The following ATP8A2 variants were observed in gnomAD, a reference collection of about 807,000 sequenced individuals.
ATP8A2 encodes the protein ATPase phospholipid transporting 8A2.
In ATP8A2, 100 loss-of-function variants were observed where a neutral mutation model predicts 165.6. That is an observed-to-expected ratio of 0.60 (90% CI 0.51 to 0.71). The LOEUF (loss-of-function observed/expected upper bound fraction) is 0.71, where lower values mean the gene tolerates loss of function less well. Ranked by LOEUF, ATP8A2 falls within the 30% of genes least tolerant of loss-of-function variation. The probability of loss-of-function intolerance (pLI) is 0.00; values close to 1 mark genes in which losing one functional copy is unlikely to be tolerated. For synonymous variants in ATP8A2, 543 were observed against 548.8 expected, an observed-to-expected ratio of 0.99 and a Z score of 0.15; for missense variants, 1,227 against 1,479.5, an observed-to-expected ratio of 0.83 and a Z score of 2.80.
At chr13:25,381,189 T>G (rs184044459) in intron 1 of ATP8A2, among the ~76,000 whole-genome samples, 218 of 152,350 alleles carry the variant, frequency 1.4e-3, no homozygotes, top group Middle Eastern at 3.4e-3. Flanking sequence ...GACTGCATGA[T>G]AAATCTTAGT....
At chr13:25,951,282 G>C (rs1012566108) in intron 33 of ATP8A2, among the ~76,000 whole-genome samples, 1 of 152,154 alleles carries the variant, frequency 6.6e-6, no homozygotes, top group African/African-American at 2.4e-5. Flanking sequence ...TGATCTATTC[G>C]TGCAATGGAA....
At position 25,372,717 on chromosome 13, in the gene ATP8A2, AG is replaced by A. The variant is rs1337567512; in HGVS notation, c.76+430del. 1.3e-5 allele frequency among the ~76,000 whole-genome samples: 2 copies of A among 152,192 alleles called. No homozygotes were observed. The highest frequency in any genetic ancestry group is 1.3e-4 in the Admixed American group (2 of 15,290). On this transcript the variant is annotated intron_variant, in intron 1 of 36. Coordinates refer to ENST00000381655, the MANE Select transcript of ATP8A2 (RefSeq NM_016529.6). The surrounding 1 kb of genome is among the most constrained non-coding windows in gnomAD (Gnocchi z 4.8). ...CCGGCGGCCGGCACCGCTGTGCTGCAGAGCTCAAAAGCAGAGGGGGAAAAAG... is the reference window on the plus strand; with the variant it reads ...CCGGCGGCCGGCACCGCTGTGCTGCAAGCTCAAAAGCAGAGGGGGAAAAAG...
chr13:25,892,523 A>G (rs1218999622), intron 33 of ATP8A2, among the ~76,000 whole-genome samples: 1 of 129,156 alleles, frequency 7.7e-6, no homozygotes, highest in Non-Finnish European at 1.5e-5. Context: ...TGTGTTATGC[A>G]GATGTACTGG....
intron 1 of ATP8A2, among the ~76,000 whole-genome samples, chr13:25,391,364 A>T (rs1029073974): frequency 1.3e-5 from 2 of 152,280 alleles, no homozygotes; most frequent in Non-Finnish European, 2.9e-5. Flanking sequence ...TCCATCATTG[A>T]TCCACCCATT....
chr13:25,725,475 C>G (rs544392489), intron 25 of ATP8A2, among the ~76,000 whole-genome samples: 10 of 152,282 alleles, frequency 6.6e-5, no homozygotes, highest in African/African-American at 2.4e-4. Context: ...TATTCCCAAA[C>G]CTGAGGGACC....
intron 33 of ATP8A2, among the ~76,000 whole-genome samples, chr13:25,892,818 T>C (rs1953418247): frequency 6.6e-6 from 1 of 150,438 alleles, no homozygotes; most frequent in African/African-American, 2.4e-5. Flanking sequence ...TTTTTTTTTT[T>C]CGCATCAAAA....
At chr13:25,618,179 A>G (rs961749729) in intron 24 of ATP8A2, among the ~76,000 whole-genome samples, 4 of 152,214 alleles carry the variant, frequency 2.6e-5, no homozygotes, top group African/African-American at 4.8e-5. Flanking sequence ...ACTGTTCTAC[A>G]GCGGTCTTCA....
chr13:25,780,008 AT>A (rs1488828491), intron 27 of ATP8A2, among the ~76,000 whole-genome samples: 1 of 152,344 alleles, frequency 6.6e-6, no homozygotes, highest in East Asian at 1.9e-4. Flanking sequence ...CAGCATCAGC[AT>A]TTTAAGCATG....
intron 2 of ATP8A2, among the ~76,000 whole-genome samples, chr13:25,482,811 C>T (rs1384092652): frequency 2.6e-5 from 4 of 152,162 alleles, no homozygotes; most frequent in Non-Finnish European, 5.9e-5. Context: ...TGCCTGCTGC[C>T]GTCCATGTAA....
At chr13:25,437,617 A>G (rs1259651450) in intron 1 of ATP8A2, among the ~76,000 whole-genome samples, 3 of 152,190 alleles carry the variant, frequency 2.0e-5, no homozygotes, top group Non-Finnish European at 2.9e-5. Context: ...TTTTCCGTGT[A>G]TTGCTGGAGA....
chr13:25,419,645 G>A (rs148991391), intron 1 of ATP8A2, among the ~76,000 whole-genome samples: 1 of 118,996 alleles, frequency 8.4e-6, no homozygotes, highest in African/African-American at 2.7e-5. Flanking sequence ...GTTTTTATTT[G>A]TTCTCATAAC....
chr13:26,009,278 C>A (rs1223694844), intron 35 of ATP8A2, among the ~76,000 whole-genome samples: 1 of 152,170 alleles, frequency 6.6e-6, no homozygotes, highest in African/African-American at 2.4e-5. Flanking sequence ...TTCATGATGA[C>A]ACCTTCATAA....
chr13:25,518,937 G>C lies in ATP8A2; in HGVS notation c.222-11062G>C, dbSNP rs1338302346. Among the ~76,000 whole-genome samples, 4 of 152,270 alleles carry C rather than the reference G, an allele frequency of 2.6e-5. No homozygotes were observed. The East Asian group carries it at 5.8e-4, about 22-fold the overall frequency. Reference sequence around the variant, plus strand: ...TATTGTCAGGTTTTGTCCTCTCCTGGGAAGCCTCCAGATCTTCCCATCTCC... The same window carrying C: ...TATTGTCAGGTTTTGTCCTCTCCTGCGAAGCCTCCAGATCTTCCCATCTCC... On this transcript the variant is annotated intron_variant, in intron 2 of 36. Coordinates refer to ENST00000381655, the MANE Select transcript of ATP8A2 (RefSeq NM_016529.6).
chr13:25,440,277 G>T (rs765714587), intron 1 of ATP8A2, among the ~76,000 whole-genome samples: 1 of 152,060 alleles, frequency 6.6e-6, no homozygotes, highest in Non-Finnish European at 1.5e-5. Context: ...TTTAGAACTT[G>T]TGCTGTCAGG....
intron 24 of ATP8A2, among the ~76,000 whole-genome samples, chr13:25,621,275 T>G (rs1013127576): frequency 2.0e-5 from 3 of 152,332 alleles, no homozygotes; most frequent in Non-Finnish European, 4.4e-5. Flanking sequence ...GAAATCTACA[T>G]AAGTGTGTTA....
chr13:25,637,871 T>G (rs2041412424), intron 24 of ATP8A2, among the ~76,000 whole-genome samples: 1 of 152,174 alleles, frequency 6.6e-6, no homozygotes, highest in Non-Finnish European at 1.5e-5. Context: ...AGGGGCAGAC[T>G]GACACCTCAC....
chr13:25,494,226 T>G (rs1046742335), intron 2 of ATP8A2, among the ~76,000 whole-genome samples: 2 of 152,056 alleles, frequency 1.3e-5, no homozygotes, highest in Admixed American at 1.3e-4. Context: ...AGAATTGCTG[T>G]GTTGAATAAT....
At chr13:25,433,334 G>A (rs1396722336) in intron 1 of ATP8A2, among the ~76,000 whole-genome samples, 1 of 152,158 alleles carries the variant, frequency 6.6e-6, no homozygotes, top group Non-Finnish European at 1.5e-5. Context: ...GTGCAGTGGT[G>A]TGATCATAGC....
rs193177788 is a variant in ATP8A2 at position 25,930,914 on chromosome 13, G to A, written c.3184-30661G>A. Among the ~76,000 whole-genome samples the A allele has an allele frequency of 7.0e-4, 106 of 152,228 alleles. 1 individual carries two copies. The highest frequency in any genetic ancestry group is 2.3e-3 in the African/African-American group (94 of 41,534). ...CAGCCTTGCCGCCGGTGTTCCTTTC[G>A]TCCTGCTGGTCCTGCCTCTCCAGCT... On this transcript the variant is annotated intron_variant, in intron 33 of 36. Transcript: ENST00000381655.
Sources: allele counts gnomAD v4.1 joint callset (sites outside exome capture counted in the v4.1 genomes callset), GRCh38; gene constraint gnomAD v4.1.1; non-coding constraint Gnocchi (gnomAD v3.1); transcripts MANE v1.5; gene names NCBI Gene and HGNC (gene_info 2026-07-23, HGNC 2026-07-21).